PCNT: variants seen among roughly 807,000 people sequenced by gnomAD.
PCNT encodes kendrin.
In PCNT, 319 loss-of-function variants were observed where a neutral mutation model predicts 380.4. The ratio of observed to expected loss-of-function variants is 0.84; its 90% CI spans 0.77 to 0.92. PCNT has a LOEUF of 0.92. Ranked by LOEUF, PCNT falls within the 40% of genes least tolerant of loss-of-function variation. PCNT has a pLI of 0.00. For missense variants in PCNT, 4,400 were observed against 4,255.3 expected, an observed-to-expected ratio of 1.03 and a Z score of -0.95; for synonymous variants, 1,845 against 1,735.2, an observed-to-expected ratio of 1.06 and a Z score of -1.57.
chr21:46,413,665 C>T (rs1409100571), intron 29 of PCNT, among the ~76,000 whole-genome samples: 1 of 152,220 alleles, frequency 6.6e-6, no homozygotes, highest in Non-Finnish European at 1.5e-5. Flanking sequence ...CCACATCGCC[C>T]CCGTGGGCCT....
rs200697914 is a variant in PCNT at position 46,397,400 on chromosome 21, G to A, written c.4352G>A (p.Arg1451His). The change falls in exon 22 of 47, where the codon CGC (arginine) becomes CAC (histidine). Residue 1451 changes from arginine (R) to histidine (H), a missense_variant. By Grantham distance (29) the Arg-to-His change is conservative. Transcript: ENST00000359568. ...SELEEQLSQH[R>H]GCAKQAEAVT... ...TTAGAAGAACAGCTGTCTCAGCATC[G>A]CGGGTGTGCCAAGCAGGCGGAGGCC... 1.3e-4 allele frequency: 204 copies of A among 1,614,074 alleles called. No homozygotes were observed. The highest frequency in any genetic ancestry group is 8.2e-4 in the Middle Eastern group (5 of 6,084).
rs941398080 is a variant in PCNT, at chr21:46,442,413, G to A, written c.9624-84G>A. The A allele has an allele frequency of 1.1e-5, 9 of 849,280 alleles. No individual in the cohort carries two copies. The African/African-American group carries it at 1.5e-4, about 14-fold the overall frequency. The allele number at this position is 849,280 out of a possible 1,614,324, so 52.6% of individuals were successfully genotyped here. On this transcript the variant is annotated intron_variant, in intron 43 of 46. Coordinates refer to ENST00000359568, the MANE Select transcript of PCNT (RefSeq NM_006031.6). ...GGGCAGCGAGGCCCCCATTCTGCTT[G>A]TTTGGTCACAGTGGGGTTTTCATTG...
rs533391993 is a variant in PCNT at position 46,336,888 on chromosome 21, C to G, written c.639+2120C>G. On this transcript the variant is annotated intron_variant, in intron 3 of 46. Transcript: ENST00000359568. ...CCACAGAGTTCATTCTGCCCTCCCC[C>G]CCAGGTTTATTTGCAGTTTCCTTCT... Among the ~76,000 whole-genome samples the G allele has an allele frequency of 2.5e-4, 38 of 152,092 alleles. No individual in the cohort carries two copies. In the South Asian group the frequency reaches 7.5e-3, roughly 30 times the overall value.
chr21:46,427,487 C>G (rs955528571), intron 33 of PCNT, 135 bp from the exon 34 acceptor site: 14 of 927,286 alleles, frequency 1.5e-5, no homozygotes, highest in Non-Finnish European at 2.1e-5. Context: ...GTCTCTTCCT[C>G]TTCTTAAGAG....
At chr21:46,356,674 C>A (rs2084490621) in intron 12 of PCNT, among the ~76,000 whole-genome samples, 1 of 152,216 alleles carries the variant, frequency 6.6e-6, no homozygotes, top group African/African-American at 2.4e-5. Flanking sequence ...CATGGAGGGT[C>A]ACATGTCACA....
chr21:46,399,837 G>A (rs1434120441), intron 25 of PCNT, 41 bp downstream of exon 25: 3 of 1,544,160 alleles, frequency 1.9e-6, no homozygotes, highest in Non-Finnish European at 2.7e-6. Context: ...GTGGTGAGGT[G>A]TCCCGCAGGC....
chr21:46,365,453 TG>T (rs2084879278), intron 14 of PCNT, among the ~76,000 whole-genome samples: 1 of 150,098 alleles, frequency 6.7e-6, no homozygotes, highest in Non-Finnish European at 1.5e-5. Flanking sequence ...TTCTGTTCAC[TG>T]CCGTGGGGTT....
Position 46,411,560 on chromosome 21 carries a change from G to A in PCNT, c.5487G>A (p.Glu1829=), listed in dbSNP as rs1245321190. Residue 1829 remains glutamate, a synonymous_variant, in exon 28 of 47, where the codon GAG becomes GAA. Transcript: ENST00000359568. ...AGCAGCGCCTCCAGGGCGCAGAGGA[G>A]GCTGCGGAGCTACAGCTGGCTGAGC... The part of the protein sequence containing the change: ...ALQQRLQGAE[E]AAELQLAELE... The A allele has an allele frequency of 1.2e-5, 20 of 1,612,516 alleles. No homozygotes were observed. The East Asian group carries it at 2.7e-4, about 22-fold the overall frequency.
Position 46,381,197 on chromosome 21 carries a change from TGTGTGTGTGTGTGTGTGTG to T in PCNT, c.3166-496_3166-478del, listed in dbSNP as rs1783635482. Among the ~76,000 whole-genome samples the T allele has an allele frequency of 0.021, 3 of 140 alleles. No individual in the cohort carries two copies. The South Asian group carries it at 0.38, about 17-fold the overall frequency. The allele number at this position is 140 out of a possible 152,430, so 0.1% of individuals were successfully genotyped here. ...TCCAAAAAAAAAAAAAAAAAATCTC[TGTGTGTGTGTGTGTGTGTG>T]TGTGTGTGTGTGTGTGTGTGTGTGT... On this transcript the variant is annotated intron_variant, in intron 15 of 46. Transcript: ENST00000359568.
At position 46,427,631 on chromosome 21, in the gene PCNT, A is replaced by C. The variant is rs2087564172; in HGVS notation, c.7330A>C (p.Thr2444Pro). 6.2e-7 allele frequency: 1 copy of C among 1,613,866 alleles called. No homozygotes were observed. Among genetic ancestry groups the C allele is most frequent in the African/African-American group, 1.3e-5 (1 of 75,018 alleles). The stretch of plus-strand genomic sequence containing the variant: ...TTCCTTCTTCCTTTAGGAAGTGCCC[A>C]CCGCGTGCCCCGATTGGAGAGGGGA... Reference protein sequence around the residue: ...LHGGKTQEVPTACPDWRGDLL... With the variant: ...LHGGKTQEVPPACPDWRGDLL... Residue 2444 changes from threonine (T) to proline (P), a missense_variant, in exon 34 of 47, where the codon ACC becomes CCC. Thr to Pro is a conservative substitution (Grantham distance 38). Transcript: ENST00000359568.
intron 15 of PCNT, 73 bp downstream of exon 15, chr21:46,367,212 A>T: frequency 7.5e-7 from 1 of 1,328,438 alleles, no homozygotes; most frequent in Non-Finnish European, 1.1e-6. Context: ...ACCGCGTGTC[A>T]CATGTCTGCG....
At position 46,431,920 on chromosome 21, in the gene PCNT, A is replaced by G; in HGVS notation, c.8456A>G (p.Gln2819Arg). 1 of 1,614,128 alleles carries G rather than the reference A, an allele frequency of 6.2e-7. No homozygotes were observed. ...GTGCAGCAGCAAGCCCTGCATTCTC[A>G]GCAGCAGCTTGAGGCTGAGGCTCAG... is the stretch of plus-strand genomic sequence containing the variant. ...EKVQQQALHSQQQLEAEAQKH... is the reference protein window; with the variant it reads ...EKVQQQALHSRQQLEAEAQKH... The change falls in exon 38 of 47, where the codon CAG becomes CGG. Residue 2819 changes from glutamine to arginine, a missense_variant. Gln to Arg is a conservative substitution (Grantham distance 43). Coordinates refer to ENST00000359568, the MANE Select transcript of PCNT (RefSeq NM_006031.6).
intron 43 of PCNT, 120 bp downstream of exon 43, chr21:46,441,204 T>A: frequency 1.4e-6 from 1 of 725,628 alleles, no homozygotes; most frequent in Non-Finnish European, 2.5e-6. Flanking sequence ...TTTTTAAAGA[T>A]GAATGGCATT....
intron 3 of PCNT, among the ~76,000 whole-genome samples, chr21:46,336,759 G>A (rs1431550474): frequency 1.3e-5 from 2 of 152,138 alleles, no homozygotes; most frequent in African/African-American, 4.8e-5. Flanking sequence ...GTGCCTGGGA[G>A]CTAGTCTGTG....
chr21:46,434,517 G>A (rs1340260531), intron 38 of PCNT, among the ~76,000 whole-genome samples: 4 of 152,264 alleles, frequency 2.6e-5, no homozygotes, highest in Non-Finnish European at 5.9e-5. Flanking sequence ...AGCCCCAGCG[G>A]CGCTGCTGGG....
intron 11 of PCNT, 44 bp from the exon 12 acceptor site, chr21:46,355,408 A>G (rs933294804): frequency 1.9e-6 from 3 of 1,596,384 alleles, no homozygotes; most frequent in Non-Finnish European, 2.6e-6. Context: ...CGAGCGAGGT[A>G]GCTTGGCTCA....
intron 33 of PCNT, 59 bp downstream of exon 33, chr21:46,426,030 G>T (rs1280515086): frequency 4.5e-6 from 7 of 1,572,764 alleles, no homozygotes; most frequent in Non-Finnish European, 6.1e-6. Context: ...TGTGGTAATG[G>T]CCGCGTCCTT....
chr21:46,344,318 C>G (rs1211292474), intron 3 of PCNT, among the ~76,000 whole-genome samples: 5 of 152,278 alleles, frequency 3.3e-5, no homozygotes, highest in Middle Eastern at 3.4e-3. Flanking sequence ...TCATGATCCA[C>G]CTGCCTCAGC....
chr21:46,353,610 G>C (rs1312907547), intron 10 of PCNT, among the ~76,000 whole-genome samples: 1 of 151,728 alleles, frequency 6.6e-6, no homozygotes, highest in Non-Finnish European at 1.5e-5. Context: ...GTGTGCATGA[G>C]TCAGTGGGCA....
Sources: gnomAD v4.1 joint callset for allele counts (sites outside exome capture counted in the v4.1 genomes callset) on GRCh38, gnomAD v4.1.1 for gene constraint, MANE v1.5 for transcripts, NCBI Gene and HGNC (gene_info 2026-07-23, HGNC 2026-07-21) for gene names.